BUB1B: variants seen among roughly 807,000 people sequenced by gnomAD.
BUB1B encodes the protein mitotic checkpoint serine/threonine-protein kinase BUB1 beta.
A neutral mutation model predicts 137.7 loss-of-function variants in BUB1B; 86 were observed. That is an observed-to-expected ratio of 0.62 (90% CI 0.52 to 0.75). BUB1B has a LOEUF of 0.75. BUB1B is among the 30% of genes least tolerant of loss of function. The pLI is 0.00. For missense variants in BUB1B, 1,130 were observed against 1,236.9 expected (o/e 0.91, Z 1.30); for synonymous variants, 420 against 417.9 (o/e 1.00, Z -0.06).
intron 19 of BUB1B, among the ~76,000 whole-genome samples, chr15:40,213,053 A>G (rs566591388): frequency 8.2e-4 from 124 of 151,492 alleles, no homozygotes; most frequent in Non-Finnish European, 1.2e-3. Context: ...ATTCTCAAAA[A>G]TGGTTGGAAT....
chr15:40,211,221 C>T (rs538816345), intron 18 of BUB1B, among the ~76,000 whole-genome samples: 3 of 152,052 alleles, frequency 2.0e-5, no homozygotes, highest in African/African-American at 7.2e-5. Flanking sequence ...ATTTAATTTT[C>T]AAGAGCTCTT....
intron 8 of BUB1B, among the ~76,000 whole-genome samples, chr15:40,190,153 A>G (rs1188324675): frequency 6.6e-6 from 1 of 152,228 alleles, no homozygotes; most frequent in Non-Finnish European, 1.5e-5. Flanking sequence ...GTTTTATCTT[A>G]TACATGCACT....
chr15:40,196,888 C>T lies in BUB1B; in HGVS notation c.1288+114C>T, dbSNP rs574060251. On this transcript the variant is annotated intron_variant, in intron 9 of 22. Transcript: ENST00000287598. ...TAGTTTGTACCTTTGTATGATGTTT[C>T]TATGGTAGTACTGTTTCTTTCTGTG... 12 of 932,746 alleles carry T rather than the reference C, an allele frequency of 1.3e-5. No individual in the cohort carries two copies. In the East Asian group the frequency reaches 1.6e-4, roughly 12 times the overall value. The allele number at this position is 932,746 out of a possible 1,614,324, so 57.8% of individuals were successfully genotyped here.
At chr15:40,210,063 G>T (rs771430004) in intron 17 of BUB1B, 47 bp from the exon 18 acceptor site, 5 of 1,456,848 alleles carry the variant, frequency 3.4e-6, no homozygotes, top group Admixed American at 3.3e-5. Context: ...CTACAGGGCT[G>T]TATATGTTCA....
chr15:40,210,161 A>G lies in BUB1B; in HGVS notation c.2336A>G (p.Lys779Arg), dbSNP rs140368608. 3 of 1,612,800 alleles carry G rather than the reference A, an allele frequency of 1.9e-6. No homozygotes were observed. Among genetic ancestry groups the G allele is most frequent in the African/African-American group, 2.7e-5 (2 of 74,892 alleles). Residue 779 changes from lysine (K) to arginine (R), a missense_variant, in exon 18 of 23, where the codon AAG becomes AGG. Coordinates refer to ENST00000287598, the MANE Select transcript of BUB1B (RefSeq NM_001211.6). ...GAATACCTAATATGTGAAGATTACA[A>G]GTTATTCTGGGTGGCGCCAAGAAAC... ...KREYLICEDYKLFWVAPRNSA... is the reference protein window; with the variant it reads ...KREYLICEDYRLFWVAPRNSA...
chr15:40,206,079 G>A (rs2037632714), intron 14 of BUB1B, 105 bp from the exon 15 acceptor site: 19 of 1,163,558 alleles, frequency 1.6e-5, no homozygotes, highest in Non-Finnish European at 2.4e-5. Context: ...ATTCTGATAT[G>A]CTATTTCTGT....
chr15:40,169,750 T>C (rs997815589), intron 2 of BUB1B, among the ~76,000 whole-genome samples: 1 of 151,682 alleles, frequency 6.6e-6, no homozygotes, highest in African/African-American at 2.4e-5. Context: ...GTAGCTGGGA[T>C]TACAGGTGCT....
chr15:40,166,875 T>TGA (rs2037104817), intron 2 of BUB1B, among the ~76,000 whole-genome samples: 1 of 152,228 alleles, frequency 6.6e-6, no homozygotes. Flanking sequence ...ATTTCCCTGG[T>TGA]GACTAATAAT....
intron 19 of BUB1B, 27 bp from the exon 20 acceptor site, chr15:40,213,305 G>A (rs776995372): frequency 2.1e-5 from 34 of 1,612,232 alleles, no homozygotes; most frequent in Admixed American, 3.3e-5. Context: ...TTGAGAAATA[G>A]TGAGTTTTCT....
At position 40,200,959 on chromosome 15, in the gene BUB1B, C is replaced by G. The variant is rs1384516309; in HGVS notation, c.1546C>G (p.Gln516Glu). 18 of 1,613,232 alleles carry G rather than the reference C, an allele frequency of 1.1e-5. No homozygotes were observed. Among genetic ancestry groups the G allele is most frequent in the Non-Finnish European group, 1.5e-5 (18 of 1,179,512 alleles). ...AACTTCACTTGCGGAGAACATTTGG[C>G]AGGAACAACCTCATTCTAAAGGTGA... ...RETSLAENIW[Q>E]EQPHSKGPSV... is the part of the protein sequence containing the mutation. Residue 516 changes from glutamine (Q) to glutamate (E), a missense_variant, in exon 12 of 23, where the codon CAG (glutamine) becomes GAG (glutamate). Gln to Glu is a conservative substitution (Grantham distance 29). Transcript: ENST00000287598.
chr15:40,210,259 T>C, intron 18 of BUB1B, 49 bp downstream of exon 18: 1 of 1,367,424 alleles, frequency 7.3e-7, no homozygotes, highest in Non-Finnish European at 1.0e-6. Flanking sequence ...TAATACGGAT[T>C]GGAGCAATAA....
At chr15:40,205,521 C>A (rs1385596456) in intron 14 of BUB1B, among the ~76,000 whole-genome samples, 1 of 151,896 alleles carries the variant, frequency 6.6e-6, no homozygotes, top group East Asian at 1.9e-4. Flanking sequence ...GGAATTAATC[C>A]TAAGAAAATT....
intron 18 of BUB1B, among the ~76,000 whole-genome samples, chr15:40,211,137 GT>G (rs2140906940): frequency 6.6e-6 from 1 of 151,838 alleles, no homozygotes; most frequent in South Asian, 2.1e-4. Context: ...TTCTCTCTTT[GT>G]CTTTTTACTT....
At chr15:40,189,143 CTTTG>C (rs1030426854) in intron 8 of BUB1B, among the ~76,000 whole-genome samples, 9 of 151,812 alleles carry the variant, frequency 5.9e-5, no homozygotes, top group African/African-American at 2.2e-4. Flanking sequence ...AATATGTGGT[CTTTG>C]TTTTTTTTTG....
chr15:40,202,371 T>C (rs764813219), intron 12 of BUB1B, 34 bp from the exon 13 acceptor site: 1 of 1,529,754 alleles, frequency 6.5e-7, no homozygotes, highest in Non-Finnish European at 9.0e-7. Context: ...AAGCATTTAC[T>C]CCTAGAGTAT....
chr15:40,191,076 C>T (rs974171699), intron 8 of BUB1B, among the ~76,000 whole-genome samples: 6 of 151,886 alleles, frequency 4.0e-5, no homozygotes, highest in Non-Finnish European at 7.4e-5. Context: ...TTAGTAGAGA[C>T]GGGGTTTCGC....
At chr15:40,171,124 A>T (rs2037157205) in intron 4 of BUB1B, among the ~76,000 whole-genome samples, 1 of 152,038 alleles carries the variant, frequency 6.6e-6, no homozygotes, top group African/African-American at 2.4e-5. Context: ...TTTAATAGAG[A>T]TGACTTCTCT....
At position 40,202,638 on chromosome 15, in the gene BUB1B, G is replaced by C. The variant is rs1221831901; in HGVS notation, c.1678G>C (p.Val560Leu). The C allele has an allele frequency of 6.2e-7, 1 of 1,614,138 alleles. No homozygotes were observed. The highest frequency in any genetic ancestry group is 1.7e-5 in the Admixed American group (1 of 60,016). ...TTTAGCTCAACGAAGACCCCTTGCA[G>C]TTCTCAAAACCTCAGAAAGCATCAC... is the stretch of plus-strand genomic sequence containing the variant. ...RVLAQRRPLA[V>L]LKTSESITSN... The change falls in exon 14 of 23, where the codon GTT becomes CTT. Residue 560 changes from valine (V) to leucine (L), a missense_variant. Val to Leu is a conservative substitution (Grantham distance 32). Transcript: ENST00000287598.
At chr15:40,216,745 A>G (rs890673341) in intron 20 of BUB1B, among the ~76,000 whole-genome samples, 1 of 151,580 alleles carries the variant, frequency 6.6e-6, no homozygotes, top group African/African-American at 2.4e-5. Context: ...ATATTGCACC[A>G]ATATCAGGAG....
Sources: allele counts gnomAD v4.1 joint callset (sites outside exome capture counted in the v4.1 genomes callset), GRCh38; gene constraint gnomAD v4.1.1; transcripts MANE v1.5; gene names NCBI Gene and HGNC (gene_info 2026-07-23, HGNC 2026-07-21).